SV2C: variants seen among roughly 807,000 people sequenced by gnomAD.
The protein encoded by SV2C is synaptic vesicle glycoprotein 2C, also known as solute carrier family 22 member B3.
Under a neutral mutation model 79.7 loss-of-function variants are expected in SV2C, and 49 were observed. That is an observed-to-expected ratio of 0.61 (90% confidence interval 0.49 to 0.78). SV2C has a LOEUF of 0.78. Among genes scored for constraint, SV2C ranks in the 30% least tolerant of loss-of-function variants. SV2C has a pLI of 0.00. For synonymous variants in SV2C, 334 were observed against 333.2 expected, an observed-to-expected ratio of 1.00 and a Z score of -0.03; for missense variants, 833 against 912.9, an observed-to-expected ratio of 0.91 and a Z score of 1.13.
the SV2C span, among the ~76,000 whole-genome samples, chr5:75,847,932 C>G: frequency 1.3e-4 from 20 of 152,264 alleles, no homozygotes; most frequent in Admixed American, 1.2e-3. Context: ...CGATCTAGAA[C>G]AACAGCAAGA....
At chr5:76,149,323 G>GC (rs1580307741) in intron 2 of SV2C, among the ~76,000 whole-genome samples, 3 of 152,110 alleles carry the variant, frequency 2.0e-5, no homozygotes, top group South Asian at 2.1e-4. Context: ...CTAGACCAGT[G>GC]CCCCCCAGAC....
chr5:76,328,321 AT>A lies in SV2C; in HGVS notation c.*2779del, dbSNP rs1749068899. 6.6e-6 allele frequency: 1 copy of A among 152,176 alleles called. No homozygotes were observed. The highest frequency in any genetic ancestry group is 1.5e-5 in the Non-Finnish European group (1 of 68,030). The allele number at this position is 152,176 out of a possible 1,614,324, so 9.4% of individuals were successfully genotyped here. On this transcript the variant is annotated 3_prime_UTR_variant, in exon 13 of 13. Coordinates refer to ENST00000502798, the MANE Select transcript of SV2C (RefSeq NM_014979.4). ...TAGGAAATAGTCCACTTGCTCCTAT[AT>A]TTTTACCACCTTTTCTAACTAAAAT...
upstream of SV2C, chr5:76,083,345 C>T (rs1210182646): frequency 6.6e-6 from 1 of 152,428 alleles, no homozygotes; most frequent in Admixed American, 6.5e-5. Context: ...AGCCACTTTC[C>T]CGCCCCTCCT....
At chr5:76,345,345 G>T (rs1415117649) in intron 12 of SV2C, among the ~76,000 whole-genome samples, 1 of 152,224 alleles carries the variant, frequency 6.6e-6, no homozygotes, top group Non-Finnish European at 1.5e-5. Flanking sequence ...ATGGCACTGT[G>T]CTGGGTGCTG....
At chr5:76,233,797 A>G (rs1248659850) in intron 4 of SV2C, among the ~76,000 whole-genome samples, 1 of 148,214 alleles carries the variant, frequency 6.7e-6, no homozygotes, top group East Asian at 1.9e-4. Context: ...AGCCCACTTG[A>G]TCATGGTGGA....
chr5:75,978,143 T>C, the SV2C span, among the ~76,000 whole-genome samples: 1 of 152,236 alleles, frequency 6.6e-6, no homozygotes, highest in South Asian at 2.1e-4. Context: ...TATTGCTGCA[T>C]AGCAGAGTCA....
chr5:76,227,102 A>T (rs1745274171), intron 4 of SV2C, among the ~76,000 whole-genome samples: 1 of 152,212 alleles, frequency 6.6e-6, no homozygotes, highest in Admixed American at 6.5e-5. Context: ...GCAGGCGATG[A>T]CACCTTACAT....
At chr5:75,859,666 G>A in the SV2C span, among the ~76,000 whole-genome samples, 4 of 152,144 alleles carry the variant, frequency 2.6e-5, no homozygotes, top group Admixed American at 6.5e-5. Context: ...ACCACTCCGC[G>A]GCATTCCACA....
At chr5:76,046,596 A>G in the SV2C span, among the ~76,000 whole-genome samples, 1 of 152,256 alleles carries the variant, frequency 6.6e-6, no homozygotes. Flanking sequence ...CTAAAAGCCA[A>G]CTGCATTCCA....
At position 76,271,060 on chromosome 5, in the gene SV2C, C is replaced by T. The variant is rs1050573037; in HGVS notation, c.914-14102C>T. Among the ~76,000 whole-genome samples, 8 of 152,004 alleles carry T rather than the reference C, an allele frequency of 5.3e-5. No individual in the cohort carries two copies. In the East Asian group the frequency reaches 1.2e-3, roughly 22 times the overall value. ...CTGGTATTACCAGTGTGAGACATCA[C>T]GTCTGACCTAATCGCTATGATTTTT... On this transcript the variant is annotated intron_variant, in intron 4 of 12. Transcript: ENST00000502798.
At chr5:76,198,815 A>G (rs1744347078) in intron 3 of SV2C, among the ~76,000 whole-genome samples, 1 of 152,004 alleles carries the variant, frequency 6.6e-6, no homozygotes, top group African/African-American at 2.4e-5. Context: ...TTCCATTCCA[A>G]TTCAACTCAA....
the SV2C span, chr5:75,921,262 G>A: frequency 1.4e-6 from 2 of 1,466,804 alleles, no homozygotes; most frequent in African/African-American, 2.8e-5. Context: ...GGATCTGCAG[G>A]TCCTCCAGGT....
At chr5:75,893,068 G>C in the SV2C span, among the ~76,000 whole-genome samples, 2 of 152,006 alleles carry the variant, frequency 1.3e-5, no homozygotes, top group African/African-American at 4.8e-5. Context: ...GCTTTCCTCT[G>C]CAGCCTCACC....
Position 76,327,593 on chromosome 5 carries a change from A to G in SV2C, c.*2046A>G, listed in dbSNP as rs1403242398. On this transcript the variant is annotated 3_prime_UTR_variant, in exon 13 of 13. Coordinates refer to ENST00000502798, the MANE Select transcript of SV2C (RefSeq NM_014979.4). ...CTTTAAAAAGACATTTGGGGACCTG[A>G]GCAGGTCTTTTAGTTGAATGCAGCA... 6.6e-6 allele frequency: 1 copy of G among 152,196 alleles called. No homozygotes were observed. Among genetic ancestry groups the G allele is most frequent in the African/African-American group, 2.4e-5 (1 of 41,452 alleles). 9.4% of individuals were successfully genotyped at this position (152,196 alleles called of 1,614,324 possible).
the SV2C span, among the ~76,000 whole-genome samples, chr5:76,074,141 C>T: frequency 2.6e-5 from 4 of 152,124 alleles, no homozygotes; most frequent in East Asian, 7.7e-4. Context: ...TTGAGACACA[C>T]GAACAGGCAA....
chr5:75,973,094 C>G, the SV2C span, among the ~76,000 whole-genome samples: 337 of 152,054 alleles, frequency 2.2e-3, 3 homozygotes, highest in African/African-American at 7.8e-3. Flanking sequence ...CCAAACACTA[C>G]ATGTTCTCCC....
the SV2C span, among the ~76,000 whole-genome samples, chr5:75,883,624 G>A: frequency 6.9e-6 from 1 of 144,588 alleles, no homozygotes; most frequent in Admixed American, 7.0e-5. Flanking sequence ...ACTCATAGGT[G>A]GGAATTGAAC....
intron 2 of SV2C, among the ~76,000 whole-genome samples, chr5:76,182,241 T>G (rs780543601): frequency 6.6e-6 from 1 of 152,160 alleles, no homozygotes; most frequent in Non-Finnish European, 1.5e-5. Flanking sequence ...GTTGTGAACA[T>G]CTTCCTCGCT....
chr5:76,052,780 C>A, the SV2C span, among the ~76,000 whole-genome samples: 1,277 of 152,248 alleles, frequency 8.4e-3, 23 homozygotes, highest in African/African-American at 0.03. Context: ...TTCAACAAAG[C>A]AACTCTGAAA....
Sources: gnomAD v4.1 joint callset for allele counts (sites outside exome capture counted in the v4.1 genomes callset) on GRCh38, gnomAD v4.1.1 for gene constraint, MANE v1.5 for transcripts, NCBI Gene and HGNC (gene_info 2026-07-23, HGNC 2026-07-21) for gene names.